ITPR2: variants seen among roughly 807,000 people sequenced by gnomAD.
The protein encoded by ITPR2 is inositol 1,4,5-trisphosphate receptor type 2.
A neutral mutation model predicts 317.1 loss-of-function variants in ITPR2; 207 were observed. That is an observed-to-expected ratio of 0.65 (90% CI 0.58 to 0.73). The LOEUF is 0.73. Ranked by LOEUF, ITPR2 falls within the 30% of genes least tolerant of loss-of-function variation. The pLI, the probability that ITPR2 is intolerant of heterozygous loss-of-function variation, is 0.00. For missense variants in ITPR2, 2,613 were observed against 3,284.0 expected, an observed-to-expected ratio of 0.80 and a Z score of 4.99; for synonymous variants, 1,156 against 1,149.1, an observed-to-expected ratio of 1.01 and a Z score of -0.12.
intron 1 of ITPR2, among the ~76,000 whole-genome samples, chr12:26,796,846 A>G (rs998907423): frequency 2.0e-5 from 3 of 151,928 alleles, no homozygotes; most frequent in African/African-American, 7.3e-5. Flanking sequence ...TCTGGCCAAC[A>G]TGGTGAAACC....
rs753908297 is a variant in ITPR2, at chr12:26,487,156, T to C, written c.5466A>G (p.Arg1822=). The part of the protein sequence containing the change: ...DRMKAAQKEI[R]STVTVNTIDL... ...CTATGGTATTAACTGTCACTGTTGA[T>C]CTTATTTCTTTCTGAGCAGCCTTCA... Residue 1822 remains arginine (R), a synonymous_variant, in exon 40 of 57, where the codon AGA becomes AGG. Transcript: ENST00000381340. The C allele has an allele frequency of 6.8e-6, 11 of 1,613,518 alleles. No individual in the cohort carries two copies. The highest frequency in any genetic ancestry group is 9.3e-6 in the Non-Finnish European group (11 of 1,179,636).
intron 55 of ITPR2, among the ~76,000 whole-genome samples, chr12:26,380,941 C>A (rs907929986): frequency 1.3e-5 from 2 of 152,198 alleles, no homozygotes; most frequent in African/African-American, 4.8e-5. Flanking sequence ...TATTTCCTAT[C>A]TCATTAAAGT....
intron 2 of ITPR2, among the ~76,000 whole-genome samples, chr12:26,784,435 C>T (rs1230141729): frequency 2.7e-5 from 4 of 149,994 alleles, no homozygotes; most frequent in East Asian, 2.0e-4. Flanking sequence ...CATCTCGGCT[C>T]GCTGCAGCCT....
At chr12:26,778,233 A>T (rs1471209985) in intron 2 of ITPR2, among the ~76,000 whole-genome samples, 1 of 152,222 alleles carries the variant, frequency 6.6e-6, no homozygotes, top group African/African-American at 2.4e-5. Flanking sequence ...ACCTAGAAAA[A>T]TAGTAAATCA....
At chr12:26,768,499 A>C (rs1352217403) in intron 2 of ITPR2, among the ~76,000 whole-genome samples, 1 of 146,058 alleles carries the variant, frequency 6.8e-6, no homozygotes, top group African/African-American at 2.5e-5. Context: ...AAAAAAAGAA[A>C]ATTGAAATTC....
rs138402797 is a variant in ITPR2 at position 26,624,187 on chromosome 12, A to G, written c.3122+112T>C. 163 of 731,632 alleles carry G rather than the reference A, an allele frequency of 2.2e-4. No homozygotes were observed. In the African/African-American group the frequency reaches 2.5e-3, roughly 11 times the overall value. 45.3% of individuals were successfully genotyped at this position (731,632 alleles called of 1,614,324 possible). On this transcript the variant is annotated intron_variant, in intron 24 of 56. Transcript: ENST00000381340. ...TCTGGCAGAAATTATGTTAGCAACA[A>G]TAGAGGGTCTAAAAATAAATAGATA...
At chr12:26,346,854 C>G (rs567141467) in intron 55 of ITPR2, among the ~76,000 whole-genome samples, 1 of 152,170 alleles carries the variant, frequency 6.6e-6, no homozygotes, top group East Asian at 1.9e-4. Context: ...GAATGTTACC[C>G]TAGGTGGTGT....
chr12:26,627,365 G>C (rs2136822182), intron 23 of ITPR2: 1 of 152,300 alleles, frequency 6.6e-6, no homozygotes, highest in African/African-American at 2.4e-5. Flanking sequence ...TCGAGCTGGA[G>C]AGACCTCAGA....
At position 26,602,362 on chromosome 12, in the gene ITPR2, G is replaced by T; in HGVS notation, c.3678+8C>A. ...AAAGCTAAAGAACAAAAAATAACCA[G>T]GACTAACCTTTTCATAGGGTATCTG... On this transcript the variant is annotated splice_region_variant and intron_variant, in intron 28 of 56. Coordinates refer to ENST00000381340, the MANE Select transcript of ITPR2 (RefSeq NM_002223.4). The T allele has an allele frequency of 6.2e-7, 1 of 1,608,292 alleles. No homozygotes were observed. Among genetic ancestry groups the T allele is most frequent in the Non-Finnish European group, 8.5e-7 (1 of 1,178,040 alleles).
intron 2 of ITPR2, among the ~76,000 whole-genome samples, chr12:26,774,467 T>A (rs909378990): frequency 2.0e-5 from 3 of 152,172 alleles, no homozygotes; most frequent in Non-Finnish European, 4.4e-5. Context: ...AGTGAAACCT[T>A]GTTTTTATAG....
At position 26,483,845 on chromosome 12, in the gene ITPR2, G is replaced by T. The variant is rs1591820289; in HGVS notation, c.5865C>A (p.Thr1955=). The change falls in exon 42 of 57, where the codon ACC becomes ACA. Residue 1955 remains threonine (T), a synonymous_variant. Coordinates refer to ENST00000381340, the MANE Select transcript of ITPR2 (RefSeq NM_002223.4). ...NKTNYNLVCE[T]LQFLDCICGS... ...CACAAATGCAGTCCAGAAACTGAAG[G>T]GTCTCACAGACTAGGTTGTAATTTG... 14 of 1,613,970 alleles carry T rather than the reference G, an allele frequency of 8.7e-6. No individual in the cohort carries two copies. The East Asian group carries it at 2.9e-4, about 33-fold the overall frequency.
intron 26 of ITPR2, among the ~76,000 whole-genome samples, chr12:26,615,988 A>G (rs1946364627): frequency 1.3e-5 from 2 of 152,134 alleles, no homozygotes; most frequent in African/African-American, 4.8e-5. Flanking sequence ...CTGGATGTAC[A>G]ATAGGTCAAA....
intron 21 of ITPR2, among the ~76,000 whole-genome samples, chr12:26,641,483 AGAAAC>A (rs1322327188): frequency 1.4e-5 from 2 of 138,728 alleles, no homozygotes; most frequent in Non-Finnish European, 3.2e-5. Flanking sequence ...GAAAAAGAAA[AGAAAC>A]CTGAATTCAA....
intron 2 of ITPR2, among the ~76,000 whole-genome samples, chr12:26,776,552 T>C (rs921467801): frequency 3.9e-5 from 6 of 152,276 alleles, no homozygotes; most frequent in South Asian, 2.1e-4. Context: ...AGGGCATTGA[T>C]TGGAAAAGAA....
intron 8 of ITPR2, among the ~76,000 whole-genome samples, chr12:26,712,673 AC>A (rs1948670040): frequency 7.7e-6 from 1 of 129,262 alleles, no homozygotes; most frequent in Non-Finnish European, 1.7e-5. Context: ...ACACACACAC[AC>A]AATTTTGTGG....
chr12:26,716,198 C>T lies in ITPR2; in HGVS notation c.570G>A (p.Gly190=), dbSNP rs760510083. 1 of 1,612,732 alleles carries T rather than the reference C, an allele frequency of 6.2e-7. No individual in the cohort carries two copies. Among genetic ancestry groups the T allele is most frequent in the Non-Finnish European group, 8.5e-7 (1 of 1,179,410 alleles). ...CTATGTTGCTGGCATGTAGTGGCTG[C>T]CCTGCATTCACAGGCATCAAAACAA... is the stretch of plus-strand genomic sequence containing the variant. ...DKVVLMPVNA[G]QPLHASNIEL... Residue 190 remains glycine, a synonymous_variant, in exon 6 of 57, where the codon GGG becomes GGA. Transcript: ENST00000381340.
intron 32 of ITPR2, among the ~76,000 whole-genome samples, chr12:26,582,208 A>G (rs1187408719): frequency 6.6e-6 from 1 of 152,172 alleles, no homozygotes; most frequent in Non-Finnish European, 1.5e-5. Flanking sequence ...ACAGCCAAGA[A>G]ATGTAGGAAG....
chr12:26,822,169 AATAT>A (rs1950947206), intron 1 of ITPR2, among the ~76,000 whole-genome samples: 1 of 152,252 alleles, frequency 6.6e-6, no homozygotes, highest in South Asian at 2.1e-4. Flanking sequence ...TGGGATAATC[AATAT>A]ATAATAAAAG....
intron 45 of ITPR2, among the ~76,000 whole-genome samples, chr12:26,461,705 C>T (rs1313514210): frequency 1.4e-5 from 2 of 147,734 alleles, no homozygotes; most frequent in African/African-American, 5.1e-5. Context: ...CACACACACA[C>T]ACACACACAC....
Sources: allele counts gnomAD v4.1 joint callset (sites outside exome capture counted in the v4.1 genomes callset), GRCh38; gene constraint gnomAD v4.1.1; transcripts MANE v1.5; gene names NCBI Gene and HGNC (gene_info 2026-07-23, HGNC 2026-07-21).